Variants in ARHGAP12 observed in about 807,000 individuals in gnomAD.
The protein encoded by ARHGAP12 is rho GTPase-activating protein 12.
In ARHGAP12, 64 loss-of-function variants were observed where a neutral mutation model predicts 108.6. The observed-to-expected ratio is 0.59, with a 90% confidence interval of 0.48 to 0.73. The LOEUF (loss-of-function observed/expected upper bound fraction) is 0.73, where lower values mean the gene tolerates loss of function less well. ARHGAP12 is among the 30% of genes least tolerant of loss of function. ARHGAP12 has a pLI of 0.00. For missense variants in ARHGAP12, 940 were observed against 1,005.9 expected (o/e 0.93, Z 0.89); for synonymous variants, 312 against 337.2 (o/e 0.93, Z 0.82).
intron 2 of ARHGAP12, among the ~76,000 whole-genome samples, 170 bp downstream of exon 2, chr10:31,910,355 C>T (rs1182560720): frequency 6.6e-6 from 1 of 152,160 alleles, no homozygotes; most frequent in Admixed American, 6.5e-5. Context: ...GGTGTAGTAA[C>T]CATCATTCTC....
intron 11 of ARHGAP12, among the ~76,000 whole-genome samples, chr10:31,822,634 T>A (rs1197406019): frequency 1.3e-5 from 2 of 152,190 alleles, no homozygotes; most frequent in African/African-American, 4.8e-5. Flanking sequence ...TTGGGAGGAA[T>A]CATGTCAGGC....
intron 3 of ARHGAP12, among the ~76,000 whole-genome samples, chr10:31,873,785 G>A (rs1222819395): frequency 6.6e-6 from 1 of 152,212 alleles, no homozygotes; most frequent in East Asian, 1.9e-4. Flanking sequence ...GAAACTTATT[G>A]ATGAAACCTC....
intron 5 of ARHGAP12, among the ~76,000 whole-genome samples, chr10:31,853,053 T>C (rs1289090764): frequency 6.6e-6 from 1 of 152,196 alleles, no homozygotes; most frequent in Non-Finnish European, 1.5e-5. Flanking sequence ...TAACTAATTA[T>C]ACTAAAAGCC....
rs570600065 is a variant in ARHGAP12 at position 31,897,818 on chromosome 10, C to T, written c.684+10354G>A. Among the ~76,000 whole-genome samples the T allele has an allele frequency of 5.5e-4, 84 of 152,226 alleles. 1 individual carries two copies. Among genetic ancestry groups the T allele is most frequent in the South Asian group, 1.7e-3 (8 of 4,820 alleles). ...CTGTGGCACAGATGGAACTATTAGA[C>T]GGGAAACTGAAAATATCTACTATTA... is the stretch of plus-strand genomic sequence containing the variant. On this transcript the variant is annotated intron_variant, in intron 3 of 19. Coordinates refer to ENST00000344936, the MANE Select transcript of ARHGAP12 (RefSeq NM_018287.7).
intron 1 of ARHGAP12, chr10:31,913,388 C>A: frequency 6.1e-6 from 1 of 165,236 alleles, no homozygotes. Context: ...AAAGGGAAAA[C>A]AAAATAGAAG....
chr10:31,917,415 A>G (rs923399855), intron 1 of ARHGAP12, among the ~76,000 whole-genome samples: 1 of 152,168 alleles, frequency 6.6e-6, no homozygotes, highest in Non-Finnish European at 1.5e-5. Flanking sequence ...AAAAAAATAA[A>G]AAAGAAAAGA....
intron 3 of ARHGAP12, among the ~76,000 whole-genome samples, chr10:31,891,438 G>C (rs1362535021): frequency 1.3e-5 from 2 of 152,184 alleles, no homozygotes; most frequent in Non-Finnish European, 2.9e-5. Context: ...CAGAGTTTCT[G>C]CTAAGAGATC....
In ARHGAP12 at chr10:31,806,262, A is replaced by C. The variant is rs939330386; in HGVS notation, c.*1396T>G. 1.3e-5 allele frequency: 2 copies of C among 152,422 alleles called. No homozygotes were observed. The highest frequency in any genetic ancestry group is 4.8e-5 in the African/African-American group (2 of 41,458). The allele number at this position is 152,422 out of a possible 1,614,324, so 9.4% of individuals were successfully genotyped here. ...ATAACAGTATGCCAGTAAATGAAAAAACAAAAAAATTAGAAACCAAAATGC... is the reference window on the plus strand; with the variant it reads ...ATAACAGTATGCCAGTAAATGAAAACACAAAAAAATTAGAAACCAAAATGC... On this transcript the variant is annotated 3_prime_UTR_variant, in exon 20 of 20. Coordinates refer to ENST00000344936, the MANE Select transcript of ARHGAP12 (RefSeq NM_018287.7).
At chr10:31,820,342 TTACTACAGTTTAGAATGTGTTA>T (rs757465560) in intron 12 of ARHGAP12, 23 bp downstream of exon 12, 2 of 1,451,366 alleles carry the variant, frequency 1.4e-6, no homozygotes, top group Non-Finnish European at 1.9e-6. Context: ...GAACATCCAA[TTACTACAGTTTAGAATGTGTTA>T]TACTTAGAAA....
chr10:31,884,397 A>G (rs978581630), intron 3 of ARHGAP12, among the ~76,000 whole-genome samples: 1 of 151,434 alleles, frequency 6.6e-6, no homozygotes, highest in Admixed American at 6.6e-5. Context: ...CTGCTTCTAC[A>G]TTCAATATTT....
rs1473077795 is a variant in ARHGAP12, at chr10:31,806,153, G to C, written c.*1505C>G. The C allele has an allele frequency of 6.6e-6, 1 of 152,162 alleles. No individual in the cohort carries two copies. Among genetic ancestry groups the C allele is most frequent in the Non-Finnish European group, 1.5e-5 (1 of 68,024 alleles). The allele number at this position is 152,162 out of a possible 1,614,324, so 9.4% of individuals were successfully genotyped here. A position where few individuals can be genotyped will look rare whatever the true frequency, so the allele number is the denominator to read the frequency against. On this transcript the variant is annotated 3_prime_UTR_variant, in exon 20 of 20. Coordinates refer to ENST00000344936, the MANE Select transcript of ARHGAP12 (RefSeq NM_018287.7). ...TTGTGGGTGGAGAAATGTTGGCATG[G>C]AAGAGAGGAGAAAAGGTATGAAATG... is the stretch of plus-strand genomic sequence containing the variant.
At chr10:31,916,179 C>A (rs966158088) in intron 1 of ARHGAP12, among the ~76,000 whole-genome samples, 18 of 152,168 alleles carry the variant, frequency 1.2e-4, no homozygotes, top group African/African-American at 4.3e-4. Context: ...CAAACACTTA[C>A]AACTACTAAG....
At chr10:31,868,060 C>T (rs866246636) in intron 3 of ARHGAP12, among the ~76,000 whole-genome samples, 11 of 151,900 alleles carry the variant, frequency 7.2e-5, no homozygotes, top group East Asian at 1.9e-4. Context: ...ATTAGCTGGG[C>T]GTGGTGGTGC....
chr10:31,836,108 A>G (rs887512388), intron 9 of ARHGAP12, among the ~76,000 whole-genome samples: 1 of 152,230 alleles, frequency 6.6e-6, no homozygotes, highest in African/African-American at 2.4e-5. Flanking sequence ...AGTAATATTC[A>G]ATGAAAAAAA....
At chr10:31,900,375 T>C (rs1238397543) in intron 3 of ARHGAP12, among the ~76,000 whole-genome samples, 1 of 152,196 alleles carries the variant, frequency 6.6e-6, no homozygotes, top group Non-Finnish European at 1.5e-5. Flanking sequence ...TCTTAAGGAT[T>C]TACCCATCTG....
chr10:31,861,346 G>T (rs751134099), intron 4 of ARHGAP12, 49 bp downstream of exon 4: 13 of 1,543,582 alleles, frequency 8.4e-6, no homozygotes, highest in Non-Finnish European at 1.1e-5. Flanking sequence ...TCTGAATAAT[G>T]AAAAGAGAAA....
intron 3 of ARHGAP12, among the ~76,000 whole-genome samples, chr10:31,864,319 GA>G (rs1419413067): frequency 6.6e-6 from 1 of 151,898 alleles, no homozygotes; most frequent in East Asian, 1.9e-4. Context: ...TTCATAATAG[GA>G]AAAAAACTAA....
chr10:31,851,588 T>C (rs1836681543), intron 6 of ARHGAP12, among the ~76,000 whole-genome samples: 1 of 152,176 alleles, frequency 6.6e-6, no homozygotes, highest in Non-Finnish European at 1.5e-5. Context: ...ACAGGATATG[T>C]ATTTCATTTT....
chr10:31,836,797 A>G (rs1200333255), intron 9 of ARHGAP12, among the ~76,000 whole-genome samples: 2 of 152,178 alleles, frequency 1.3e-5, no homozygotes, highest in African/African-American at 2.4e-5. Context: ...GAGGGAGTGA[A>G]GAGATGTCAC....
Sources: allele counts gnomAD v4.1 joint callset (sites outside exome capture counted in the v4.1 genomes callset), GRCh38; gene constraint gnomAD v4.1.1; transcripts MANE v1.5; gene names NCBI Gene and HGNC (gene_info 2026-07-23, HGNC 2026-07-21).